The following CIDEC variants were observed in gnomAD, a reference collection of about 807,000 sequenced individuals.
CIDEC encodes the protein lipid transferase CIDEC.
CIDEC carries 11 observed loss-of-function variants against 21.9 expected under a neutral mutation model. That is an observed-to-expected ratio of 0.50 (90% CI 0.32 to 0.83). CIDEC has a LOEUF of 0.83. Ranked by LOEUF, CIDEC falls within the 40% of genes least tolerant of loss-of-function variation. The pLI, the probability that CIDEC is intolerant of heterozygous loss-of-function variation, is 0.04. For missense variants in CIDEC, 302 were observed against 302.3 expected, an observed-to-expected ratio of 1.00 and a Z score of 0.01; for synonymous variants, 127 against 124.9, an observed-to-expected ratio of 1.02 and a Z score of -0.11.
At chr3:9,878,695 G>A in intron 2 of CIDEC, 184 bp from the exon 3 acceptor site, 1 of 1,488,534 alleles carries the variant, frequency 6.7e-7, no homozygotes, top group Non-Finnish European at 9.1e-7. Flanking sequence ...CCAAGACCAA[G>A]CTGGAGACCC....
At chr3:9,879,158 T>G in intron 1 of CIDEC, 104 bp from the exon 2 acceptor site, 2 of 167,844 alleles carry the variant, frequency 1.2e-5, no homozygotes, top group East Asian at 1.3e-4. Context: ...ATTCAGGAGC[T>G]GAATTTTTTT....
chr3:9,866,824 G>A lies in CIDEC; in HGVS notation c.*310C>T. On this transcript the variant is annotated 3_prime_UTR_variant, in exon 7 of 7. Coordinates refer to ENST00000336832, the MANE Select transcript of CIDEC (RefSeq NM_001321142.2). ...CCAGAAGGTAGAGAGCACCATGAAA[G>A]TACAGCCTGCGAGGCCAGATTGCTA... 1.2e-5 allele frequency: 7 copies of A among 590,518 alleles called. No homozygotes were observed. In the South Asian group the frequency reaches 1.4e-4, roughly 12 times the overall value. 36.6% of individuals were successfully genotyped at this position (590,518 alleles called of 1,614,324 possible).
chr3:9,868,218 C>T (rs1422490812), intron 6 of CIDEC, among the ~76,000 whole-genome samples: 1 of 152,198 alleles, frequency 6.6e-6, no homozygotes, highest in Admixed American at 6.5e-5. Context: ...AACCCCAGCT[C>T]ATTTCATAAG....
rs1273380971 is a variant in CIDEC at position 9,870,171 on chromosome 3, G to A, written c.359C>T (p.Ser120Leu). The A allele has an allele frequency of 6.2e-7, 1 of 1,614,114 alleles. No individual in the cohort carries two copies. Among genetic ancestry groups the A allele is most frequent in the East Asian group, 2.2e-5 (1 of 44,878 alleles). Residue 120 changes from serine to leucine, a missense_variant, in exon 5 of 7, where the codon TCA becomes TTA. By Grantham distance (145) the Ser-to-Leu change is moderately radical. Coordinates refer to ENST00000336832, the MANE Select transcript of CIDEC (RefSeq NM_001321142.2). ...LQKGQKWQPPSEQGTRHPLSL... is the reference protein window; with the variant it reads ...LQKGQKWQPPLEQGTRHPLSL... ...CAACAGGTGGGACCTCACCTGTTCT[G>A]ATGGGGGCTGCCATTTCTGCCCCTT...
At chr3:9,874,789 G>C (rs987760092) in intron 4 of CIDEC, among the ~76,000 whole-genome samples, 47 of 151,974 alleles carry the variant, frequency 3.1e-4, no homozygotes, top group African/African-American at 1.0e-3. Flanking sequence ...GCAGTGCAGT[G>C]GTGCATTCAC....
intron 6 of CIDEC, among the ~76,000 whole-genome samples, chr3:9,867,551 C>G (rs1575445076): frequency 6.6e-6 from 1 of 152,184 alleles, no homozygotes; most frequent in Non-Finnish European, 1.5e-5. Context: ...ACCCAGGAGG[C>G]GGAGGTCACA....
intron 4 of CIDEC, among the ~76,000 whole-genome samples, chr3:9,872,001 G>A (rs1159942083): frequency 6.6e-6 from 1 of 151,610 alleles, no homozygotes; most frequent in Admixed American, 6.6e-5. Context: ...AATAGAGATA[G>A]GATCTCACCA....
chr3:9,870,510 T>G lies in CIDEC; in HGVS notation c.208-188A>C, dbSNP rs552018642. On this transcript the variant is annotated intron_variant, in intron 4 of 6. Transcript: ENST00000336832. ...ATTGTCCAATAAAATATAATGTAAG[T>G]CACATATAATTTTTAATTGTGATAC... 37 of 1,487,036 alleles carry G rather than the reference T, an allele frequency of 2.5e-5. No homozygotes were observed. The African/African-American group carries it at 4.9e-4, about 20-fold the overall frequency. 92.1% of individuals were successfully genotyped at this position (1,487,036 alleles called of 1,614,324 possible).
At chr3:9,879,277 C>A (rs988768244) in intron 1 of CIDEC, among the ~76,000 whole-genome samples, 1 of 151,638 alleles carries the variant, frequency 6.6e-6, no homozygotes, top group African/African-American at 2.4e-5. Flanking sequence ...TCAGCCTCCC[C>A]CGTAGCTGGG....
At chr3:9,878,851 C>G (rs142220074) in intron 2 of CIDEC, 91 bp downstream of exon 2, 2 of 1,531,138 alleles carry the variant, frequency 1.3e-6, no homozygotes, top group Non-Finnish European at 1.8e-6. Flanking sequence ...AAGCCTTGCC[C>G]GATTTGTTCC....
In CIDEC at chr3:9,870,311, A is replaced by G. The variant is rs2082330667; in HGVS notation, c.219T>C (p.Thr73=). Residue 73 remains threonine, a synonymous_variant, in exon 5 of 7, where the codon ACT becomes ACC. Transcript: ENST00000336832. ...LEDLLLKVRD[T]LMLADKPFFL... ...AGAAGGGCTTGTCTGCCAGCATCAGAGTGTCCCGGACCTGGGGAATAAGGT... is the reference window on the plus strand; with the variant it reads ...AGAAGGGCTTGTCTGCCAGCATCAGGGTGTCCCGGACCTGGGGAATAAGGT... 1 of 1,613,580 alleles carries G rather than the reference A, an allele frequency of 6.2e-7. No homozygotes were observed. Among genetic ancestry groups the G allele is most frequent in the Non-Finnish European group, 8.5e-7 (1 of 1,180,026 alleles).
At chr3:9,878,849 C>A in intron 2 of CIDEC, 93 bp downstream of exon 2, 2 of 1,533,188 alleles carry the variant, frequency 1.3e-6, no homozygotes, top group Non-Finnish European at 1.7e-6. Context: ...AGAAGCCTTG[C>A]CCGATTTGTT....
chr3:9,879,048 G>C lies in CIDEC; in HGVS notation c.-132C>G. ...TCCTGAGGCTTCACAGTGGCCAAAAGAACATTCTGTGATGATAGAGGCATG... is the reference window on the plus strand; with the variant it reads ...TCCTGAGGCTTCACAGTGGCCAAAACAACATTCTGTGATGATAGAGGCATG... On this transcript the variant is annotated 5_prime_UTR_variant, in exon 2 of 7. Transcript: ENST00000336832. 1 of 580,134 alleles carries C rather than the reference G, an allele frequency of 1.7e-6. No homozygotes were observed. Among genetic ancestry groups the C allele is most frequent in the South Asian group, 2.1e-5 (1 of 48,106 alleles). The allele number at this position is 580,134 out of a possible 1,614,324, so 35.9% of individuals were successfully genotyped here. A position where few individuals can be genotyped will look rare whatever the true frequency, so the allele number is the denominator to read the frequency against.
chr3:9,876,048 C>G (rs2082418331), intron 4 of CIDEC, among the ~76,000 whole-genome samples: 1 of 152,134 alleles, frequency 6.6e-6, no homozygotes, highest in Non-Finnish European at 1.5e-5. Flanking sequence ...GGGGAGGAAA[C>G]TTAGAATAAA....
At chr3:9,878,747 G>A in intron 2 of CIDEC, 195 bp downstream of exon 2, 1 of 1,536,056 alleles carries the variant, frequency 6.5e-7, no homozygotes, top group African/African-American at 1.4e-5. Context: ...GCCTCACTCA[G>A]CAGCTGCTGC....
chr3:9,870,232 C>T lies in CIDEC; in HGVS notation c.298G>A (p.Ala100Thr). ...TTVETEEYFQALAGDTVFMVL... is the reference protein window; with the variant it reads ...TTVETEEYFQTLAGDTVFMVL... The stretch of plus-strand genomic sequence containing the variant: ...ATGAACACTGTATCCCCTGCCAGGG[C>T]TTGGAAGTACTCTTCTGTCTCTACA... Residue 100 changes from alanine to threonine, a missense_variant, in exon 5 of 7, where the codon GCC (alanine) becomes ACC (threonine). Transcript: ENST00000336832. 6.2e-7 allele frequency: 1 copy of T among 1,614,144 alleles called. No homozygotes were observed.
chr3:9,869,299 G>A (rs2082313294), intron 6 of CIDEC, among the ~76,000 whole-genome samples: 1 of 151,620 alleles, frequency 6.6e-6, no homozygotes, highest in Non-Finnish European at 1.5e-5. Flanking sequence ...TGCCCAGGCT[G>A]GAGTGCAGTG....
At chr3:9,879,499 A>G (rs1269454637) in intron 1 of CIDEC, among the ~76,000 whole-genome samples, 1 of 152,030 alleles carries the variant, frequency 6.6e-6, no homozygotes, top group Non-Finnish European at 1.5e-5. Flanking sequence ...ACTTTATTGA[A>G]TTTTAACTAA....
In CIDEC at chr3:9,877,113, C is replaced by G. The variant is rs148744468; in HGVS notation, c.160G>C (p.Val54Leu). Reference sequence around the variant, plus strand: ...CTGTAAGCCATGATGCCCTTCCTCACGCTTCGATCCGCCGTGCTTACGCGG... The same window carrying G: ...CTGTAAGCCATGATGCCCTTCCTCAGGCTTCGATCCGCCGTGCTTACGCGG... ...PCRVSTADRS[V>L]RKGIMAYSLE... The change falls in exon 4 of 7, where the codon GTG becomes CTG. Residue 54 changes from valine (V) to leucine (L), a missense_variant. Coordinates refer to ENST00000336832, the MANE Select transcript of CIDEC (RefSeq NM_001321142.2). The G allele has an allele frequency of 3.2e-6, 5 of 1,553,118 alleles. No individual in the cohort carries two copies. Among genetic ancestry groups the G allele is most frequent in the Non-Finnish European group, 4.4e-6 (5 of 1,147,700 alleles).
Sources: gnomAD v4.1 joint callset for allele counts (sites outside exome capture counted in the v4.1 genomes callset) on GRCh38, gnomAD v4.1.1 for gene constraint, MANE v1.5 for transcripts, NCBI Gene and HGNC (gene_info 2026-07-23, HGNC 2026-07-21) for gene names.